Variants in BOD1L1 observed in about 807,000 individuals in gnomAD.
BOD1L1 encodes biorientation of chromosomes in cell division 1 like 1, also known as biorientation of chromosomes in cell division protein 1-like 1.
Under a neutral mutation model 240.7 loss-of-function variants are expected in BOD1L1, and 86 were observed. The observed-to-expected ratio is 0.36, with a 90% CI of 0.30 to 0.43. BOD1L1 has a LOEUF of 0.43. BOD1L1 is among the 20% of genes least tolerant of loss of function. The pLI, the probability that BOD1L1 is intolerant of heterozygous loss-of-function variation, is 1.00. For missense variants in BOD1L1, 3,554 were observed against 3,643.5 expected (o/e 0.98, Z 0.63); for synonymous variants, 1,268 against 1,272.3 (o/e 1.00, Z 0.07).
Position 13,601,856 on chromosome 4 carries a change from T to A in BOD1L1, c.5044A>T (p.Ser1682Cys). The A allele has an allele frequency of 6.2e-7, 1 of 1,613,968 alleles. No homozygotes were observed. The highest frequency in any genetic ancestry group is 8.5e-7 in the Non-Finnish European group (1 of 1,179,894). The stretch of plus-strand genomic sequence containing the variant: ...ACTGCTCCATCACTTTCAACTTCAC[T>A]AATAAAAGTAATAGTTCCTTCAACT... ...EIVEGTITFISEVESDGAVTS... is the reference protein window; with the variant it reads ...EIVEGTITFICEVESDGAVTS... The change falls in exon 10 of 26, where the codon AGT becomes TGT. Residue 1682 changes from serine (S) to cysteine (C), a missense_variant. Transcript: ENST00000040738.
At chr4:13,610,851 G>T in intron 6 of BOD1L1, 83 bp downstream of exon 6, 1 of 1,164,404 alleles carries the variant, frequency 8.6e-7, no homozygotes, top group Non-Finnish European at 1.2e-6. Flanking sequence ...TGCTTCATAT[G>T]CACATCAGTA....
At chr4:13,587,216 A>G (rs1391347760) in intron 16 of BOD1L1, among the ~76,000 whole-genome samples, 1 of 152,252 alleles carries the variant, frequency 6.6e-6, no homozygotes, top group East Asian at 1.9e-4. Flanking sequence ...CAAGTGCTCA[A>G]TAGTGACATG....
chr4:13,586,857 G>A (rs768111510), intron 16 of BOD1L1, among the ~76,000 whole-genome samples: 11 of 152,128 alleles, frequency 7.2e-5, no homozygotes, highest in Non-Finnish European at 1.5e-5. Flanking sequence ...AGATAAAGTC[G>A]TAATTTTTCA....
At chr4:13,605,539 T>C (rs1165375068) in intron 9 of BOD1L1, among the ~76,000 whole-genome samples, 1 of 152,174 alleles carries the variant, frequency 6.6e-6, no homozygotes, top group South Asian at 2.1e-4. Context: ...CTAGTACTCC[T>C]TCCAGTATAT....
At chr4:13,577,291 T>C (rs1712832765) in intron 24 of BOD1L1, 112 bp downstream of exon 24, 41 of 870,240 alleles carry the variant, frequency 4.7e-5, no homozygotes, top group Admixed American at 1.2e-4. Flanking sequence ...CACATATTTA[T>C]ATAATATTAA....
chr4:13,610,320 T>C (rs1361516193), intron 6 of BOD1L1, among the ~76,000 whole-genome samples: 2 of 151,330 alleles, frequency 1.3e-5, no homozygotes, highest in Admixed American at 1.3e-4. Flanking sequence ...TGTTAATAGC[T>C]GCATACTGTA....
chr4:13,619,236 G>C (rs1716850841), intron 2 of BOD1L1, among the ~76,000 whole-genome samples: 1 of 150,560 alleles, frequency 6.6e-6, no homozygotes, highest in African/African-American at 2.4e-5. Flanking sequence ...TTGAGCCCAG[G>C]AGATTGAGGC....
intron 2 of BOD1L1, among the ~76,000 whole-genome samples, chr4:13,617,460 ACTTAGCGGCCATAACTGCCTCACC>A (rs1394022091): frequency 3.3e-5 from 5 of 152,162 alleles, no homozygotes; most frequent in African/African-American, 1.2e-4. Context: ...ATCATACTGC[ACTTAGCGGCCATAACTGCCTCACC>A]CAAGTGGGGA....
At position 13,600,654 on chromosome 4, in the gene BOD1L1, G is replaced by T. The variant is rs2108943013; in HGVS notation, c.6246C>A (p.Thr2082=). The T allele has an allele frequency of 6.2e-7, 1 of 1,613,874 alleles. No homozygotes were observed. Among genetic ancestry groups the T allele is most frequent in the East Asian group, 2.2e-5 (1 of 44,890 alleles). The change falls in exon 10 of 26, where the codon ACC becomes ACA. Residue 2082 remains threonine, a synonymous_variant. Transcript: ENST00000040738. The part of the protein sequence containing the change: ...IISTSTTNDY[T]PQVSAITDVE... ...CATCTGTAATTGCGCTTACCTGAGG[G>T]GTGTAATCATTTGTGGTACTGGTGG... is the stretch of plus-strand genomic sequence containing the variant.
intron 21 of BOD1L1, 52 bp downstream of exon 21, chr4:13,580,968 T>A: frequency 6.7e-7 from 1 of 1,498,376 alleles, no homozygotes. Flanking sequence ...ATTATACCGT[T>A]TTTCAGGTTA....
Position 13,603,661 on chromosome 4 carries a change from T to C in BOD1L1, c.3239A>G (p.Gln1080Arg), listed in dbSNP as rs1380692186. ...LCENRRGSLS[Q>R]EMAKGEEKLA... ...TTTTTCTTCTCCTTTGGCCATTTCT[T>C]GTGACAAGCTTCCTCTCCGATTTTC... is the stretch of plus-strand genomic sequence containing the variant. Residue 1080 changes from glutamine (Q) to arginine (R), a missense_variant, in exon 10 of 26, where the codon CAA becomes CGA. Around this residue, in one of 2 missense-constraint regions of BOD1L1, gnomAD observed 3,393 missense variants for 3,427.1 expected, o/e 0.99. Coordinates refer to ENST00000040738, the MANE Select transcript of BOD1L1 (RefSeq NM_148894.3). 1 of 1,613,994 alleles carries C rather than the reference T, an allele frequency of 6.2e-7. No homozygotes were observed. The highest frequency in any genetic ancestry group is 1.1e-5 in the South Asian group (1 of 91,088).
In BOD1L1 at chr4:13,614,545, T is replaced by C. The variant is rs1468391954; in HGVS notation, c.825A>G (p.Pro275=). Residue 275 remains proline, a synonymous_variant, in exon 4 of 26, where the codon CCA becomes CCG. Transcript: ENST00000040738. ...DSGGEGLETA[P]KSEEFSDLPC... is the part of the protein sequence containing the mutation. ...GGAGGTCGCTGAACTCTTCAGACTT[T>C]GGGGCTGTTTCCAGTCCTTCACCTC... 1.2e-6 allele frequency: 2 copies of C among 1,614,020 alleles called. No homozygotes were observed. Among genetic ancestry groups the C allele is most frequent in the Admixed American group, 1.7e-5 (1 of 60,004 alleles).
intron 3 of BOD1L1, 100 bp from the exon 4 acceptor site, chr4:13,614,910 T>A: frequency 8.1e-7 from 1 of 1,237,118 alleles, no homozygotes; most frequent in Non-Finnish European, 1.1e-6. Flanking sequence ...ATGATGCATA[T>A]GCTGTGCAGA....
In BOD1L1 at chr4:13,617,484, C is replaced by G. The variant is rs1208257429; in HGVS notation, c.369-1982G>C. Among the ~76,000 whole-genome samples the G allele has an allele frequency of 2.0e-5, 3 of 152,228 alleles. No homozygotes were observed. In the East Asian group the frequency reaches 5.8e-4, roughly 29 times the overall value. On this transcript the variant is annotated intron_variant, in intron 2 of 25. Coordinates refer to ENST00000040738, the MANE Select transcript of BOD1L1 (RefSeq NM_148894.3). ...CACTTAGCGGCCATAACTGCCTCAC[C>G]CAAGTGGGGAGAAGCTACAGCCCTA...
chr4:13,596,051 A>G, intron 11 of BOD1L1, 107 bp from the exon 12 acceptor site: 2 of 877,034 alleles, frequency 2.3e-6, no homozygotes. Flanking sequence ...AAACAATATA[A>G]AAGCCTATTT....
In BOD1L1 at chr4:13,604,308, T is replaced by C. The variant is rs1715486646; in HGVS notation, c.2592A>G (p.Leu864=). 1 of 1,601,084 alleles carries C rather than the reference T, an allele frequency of 6.2e-7. No homozygotes were observed. Residue 864 remains leucine (L), a synonymous_variant, in exon 10 of 26, where the codon TTA becomes TTG. Transcript: ENST00000040738. The part of the protein sequence containing the change: ...SLGSKQHGIT[L]QRRSESYSED... ...CCGAATAACTTTCACTTCTTCTCTGTAATGTGATACCATGTTGCTTGGAAC... is the reference window on the plus strand; with the variant it reads ...CCGAATAACTTTCACTTCTTCTCTGCAATGTGATACCATGTTGCTTGGAAC...
In BOD1L1 at chr4:13,619,861, A is replaced by G. The variant is rs921244251; in HGVS notation, c.368+82T>C. The G allele has an allele frequency of 3.4e-6, 5 of 1,475,462 alleles. No homozygotes were observed. In the African/African-American group the frequency reaches 5.6e-5, roughly 17 times the overall value. 91.4% of individuals were successfully genotyped at this position (1,475,462 alleles called of 1,614,324 possible). A position where few individuals can be genotyped will look rare whatever the true frequency, so the allele number is the denominator to read the frequency against. On this transcript the variant is annotated intron_variant, in intron 2 of 25. Transcript: ENST00000040738. ...ATTGTCAACATCATTAGGTGAACAA[A>G]TATGTATGTAATGCCTCCGCTTTCA...
intron 7 of BOD1L1, among the ~76,000 whole-genome samples, chr4:13,608,869 G>A (rs1715938851): frequency 6.6e-6 from 1 of 152,248 alleles, no homozygotes; most frequent in African/African-American, 2.4e-5. Context: ...GTGTGTGTAT[G>A]TGTGATTTCA....
At position 13,581,073 on chromosome 4, in the gene BOD1L1, C is replaced by A; in HGVS notation, c.8669-19G>T. Reference sequence around the variant, plus strand: ...TCGTCTTCTAAAAAAAAAAAATTCACTTAGAAAATCGGTTCGAAAATTTCT... The same window carrying A: ...TCGTCTTCTAAAAAAAAAAAATTCAATTAGAAAATCGGTTCGAAAATTTCT... On this transcript the variant is annotated intron_variant, in intron 20 of 25. Coordinates refer to ENST00000040738, the MANE Select transcript of BOD1L1 (RefSeq NM_148894.3). The A allele has an allele frequency of 4.5e-6, 7 of 1,562,496 alleles. No homozygotes were observed. The highest frequency in any genetic ancestry group is 6.1e-6 in the Non-Finnish European group (7 of 1,152,028).
Sources: allele counts gnomAD v4.1 joint callset (sites outside exome capture counted in the v4.1 genomes callset), GRCh38; gene constraint gnomAD v4.1.1; regional missense constraint gnomAD v4.1.1; transcripts MANE v1.5; gene names NCBI Gene and HGNC (gene_info 2026-07-23, HGNC 2026-07-21).